The following CNTNAP4 variants were observed in gnomAD, a reference collection of about 807,000 sequenced individuals.
CNTNAP4 encodes the protein contactin-associated protein-like 4.
CNTNAP4 carries 98 observed loss-of-function variants against 148.4 expected under a neutral mutation model. The observed-to-expected ratio is 0.66, with a 90% CI of 0.56 to 0.78. The LOEUF (loss-of-function observed/expected upper bound fraction) is 0.78. Ranked by LOEUF, CNTNAP4 falls within the 30% of genes least tolerant of loss-of-function variation. The pLI is 0.00. For synonymous variants in CNTNAP4, 730 were observed against 565.1 expected, an observed-to-expected ratio of 1.29 and a Z score of -4.14; for missense variants, 1,935 against 1,565.6, an observed-to-expected ratio of 1.24 and a Z score of -3.98.
At chr16:76,374,298 A>C (rs886641298) in intron 3 of CNTNAP4, among the ~76,000 whole-genome samples, 9 of 152,164 alleles carry the variant, frequency 5.9e-5, no homozygotes, top group African/African-American at 1.9e-4. Context: ...CAGAGAAAAG[A>C]ATCTTCTATT....
chr16:76,319,423 A>G (rs968414769), intron 2 of CNTNAP4, among the ~76,000 whole-genome samples: 2 of 152,090 alleles, frequency 1.3e-5, no homozygotes, highest in Non-Finnish European at 2.9e-5. Flanking sequence ...GGGGAGGATT[A>G]CCATTAAACA....
chr16:76,559,970 C>T lies in CNTNAP4; in HGVS notation c.*1287C>T, dbSNP rs2085353506. ...GTCTGAAACGATGGGGTGAATTTCT[C>T]AAAAATTACCAAGAATCAATCCAAC... On this transcript the variant is annotated 3_prime_UTR_variant, in exon 24 of 24. Coordinates refer to ENST00000611870, the MANE Select transcript of CNTNAP4 (RefSeq NM_033401.5). Among the ~76,000 whole-genome samples the T allele has an allele frequency of 6.6e-6, 1 of 152,124 alleles. No homozygotes were observed. The highest frequency in any genetic ancestry group is 1.5e-5 in the Non-Finnish European group (1 of 68,018).
Position 76,476,581 on chromosome 16 carries a change from C to G in CNTNAP4, c.1762+536C>G, listed in dbSNP as rs182326360. On this transcript the variant is annotated intron_variant, in intron 11 of 23. Transcript: ENST00000611870. ...ACAAACTGCAGAAATGTATTTCTCA[C>G]CATTCTGGAGGCTGAGAAGTTCAAG... Among the ~76,000 whole-genome samples the G allele has an allele frequency of 1.3e-4, 20 of 152,236 alleles. No individual in the cohort carries two copies. In the East Asian group the frequency reaches 2.7e-3, roughly 21 times the overall value.
chr16:76,518,417 C>T (rs570215984), intron 15 of CNTNAP4, among the ~76,000 whole-genome samples: 7 of 152,164 alleles, frequency 4.6e-5, no homozygotes, highest in East Asian at 3.9e-4. Flanking sequence ...CATGAGCCAC[C>T]GTGCCTGGCC....
At position 76,553,305 on chromosome 16, in the gene CNTNAP4, T is replaced by G. The variant is rs7202925; in HGVS notation, c.3465T>G (p.Asp1155Glu). The change falls in exon 22 of 24, where the codon GAT (aspartate) becomes GAG (glutamate). Residue 1155 changes from aspartate to glutamate, a missense_variant. Transcript: ENST00000611870. ...RILEHSDVDQ[D>E]TALAGAQGFT... ...TAGAACACAGTGATGTGGACCAGGA[T>G]ACTGCACTGGCAGGTGCGCAGGGCT... The G allele has an allele frequency of 0.3, 476,329 of 1,604,446 alleles. 72,111 individuals carry two copies. Among genetic ancestry groups the G allele is most frequent in the South Asian group, 0.36 (32,521 of 90,652 alleles).
At chr16:76,535,444 T>C in intron 17 of CNTNAP4, 101 bp from the exon 18 acceptor site, 1 of 1,139,504 alleles carries the variant, frequency 8.8e-7, no homozygotes, top group Non-Finnish European at 1.2e-6. Flanking sequence ...TGCTCATCCA[T>C]TTTTTTTGCC....
At chr16:76,292,378 G>A (rs1248649823) in intron 1 of CNTNAP4, among the ~76,000 whole-genome samples, 4 of 152,104 alleles carry the variant, frequency 2.6e-5, no homozygotes, top group Non-Finnish European at 5.9e-5. Context: ...CATGTATGAC[G>A]GATCTCAGAA....
intron 3 of CNTNAP4, among the ~76,000 whole-genome samples, chr16:76,362,470 A>G (rs1214568437): frequency 6.6e-6 from 1 of 152,206 alleles, no homozygotes; most frequent in East Asian, 1.9e-4. Context: ...ATCCAAAACA[A>G]TCCTGAGAAA....
At chr16:76,395,739 T>A (rs997417126) in intron 3 of CNTNAP4, among the ~76,000 whole-genome samples, 1 of 151,858 alleles carries the variant, frequency 6.6e-6, no homozygotes, top group African/African-American at 2.4e-5. Context: ...CTGGATGGTT[T>A]TTTTTTTTCG....
chr16:76,301,468 T>C (rs180836316), intron 1 of CNTNAP4, among the ~76,000 whole-genome samples: 1 of 152,312 alleles, frequency 6.6e-6, no homozygotes, highest in Admixed American at 6.5e-5. Flanking sequence ...CAAGGCATGG[T>C]ACATAACATC....
chr16:76,478,513 A>G (rs2081678797), intron 11 of CNTNAP4, among the ~76,000 whole-genome samples: 1 of 152,186 alleles, frequency 6.6e-6, no homozygotes, highest in Non-Finnish European at 1.5e-5. Flanking sequence ...TTGTTTAAAC[A>G]CTCATTAACA....
intron 3 of CNTNAP4, among the ~76,000 whole-genome samples, chr16:76,365,947 G>A (rs1026278889): frequency 6.6e-6 from 1 of 152,070 alleles, no homozygotes; most frequent in Non-Finnish European, 1.5e-5. Context: ...TAGATTGGAA[G>A]TTGGGTTTAT....
chr16:76,478,895 A>G (rs1233701830), intron 11 of CNTNAP4, among the ~76,000 whole-genome samples: 3 of 152,108 alleles, frequency 2.0e-5, no homozygotes, highest in African/African-American at 7.2e-5. Context: ...TTGTTTTATG[A>G]AAAAAATATT....
chr16:76,504,536 A>G (rs1159954864), intron 15 of CNTNAP4, among the ~76,000 whole-genome samples: 1 of 152,142 alleles, frequency 6.6e-6, no homozygotes, highest in Admixed American at 6.5e-5. Context: ...ACAAGGGAAA[A>G]TCTTAGTGGC....
At chr16:76,549,833 G>C (rs118039774) in intron 21 of CNTNAP4, among the ~76,000 whole-genome samples, 188 of 152,078 alleles carry the variant, frequency 1.2e-3, no homozygotes, top group Admixed American at 4.3e-3. Context: ...ATATATAGAG[G>C]AGACCTAATG....
intron 3 of CNTNAP4, among the ~76,000 whole-genome samples, chr16:76,392,829 C>T (rs918310948): frequency 3.9e-5 from 6 of 152,068 alleles, no homozygotes; most frequent in African/African-American, 1.4e-4. Flanking sequence ...AAAGATGTCC[C>T]GAGTCTCACA....
At position 76,553,366 on chromosome 16, in the gene CNTNAP4, G is replaced by A. The variant is rs773791364; in HGVS notation, c.3526G>A (p.Val1176Met). ...CCTCTCTGCAGTGCAGCTCAGCCAC[G>A]TGGCCCCTCTGAAGGCAGCTCTGCA... ...GCLSAVQLSH[V>M]APLKAALHPS... Residue 1176 changes from valine (V) to methionine (M), a missense_variant, in exon 22 of 24, where the codon GTG becomes ATG. Coordinates refer to ENST00000611870, the MANE Select transcript of CNTNAP4 (RefSeq NM_033401.5). The A allele has an allele frequency of 9.9e-6, 16 of 1,612,738 alleles. No individual in the cohort carries two copies. Among genetic ancestry groups the A allele is most frequent in the East Asian group, 4.5e-5 (2 of 44,838 alleles).
At chr16:76,467,950 T>TC in intron 10 of CNTNAP4, among the ~76,000 whole-genome samples, 1 of 152,194 alleles carries the variant, frequency 6.6e-6, no homozygotes, top group African/African-American at 2.4e-5. Flanking sequence ...CAGAATATTT[T>TC]CCAAGGCAGG....
chr16:76,413,996 A>G (rs1336499993), intron 3 of CNTNAP4, among the ~76,000 whole-genome samples: 1 of 151,254 alleles, frequency 6.6e-6, no homozygotes, highest in East Asian at 1.9e-4. Context: ...TCATACACCT[A>G]TAAATAAAGG....
Sources: allele counts gnomAD v4.1 joint callset (sites outside exome capture counted in the v4.1 genomes callset), GRCh38; gene constraint gnomAD v4.1.1; transcripts MANE v1.5; gene names NCBI Gene and HGNC (gene_info 2026-07-23, HGNC 2026-07-21).